Variants in PRKG1 observed in about 807,000 individuals in gnomAD.
PRKG1 encodes protein kinase cGMP-dependent 1.
PRKG1 carries 35 observed loss-of-function variants against 88.1 expected under a neutral mutation model. That is an observed-to-expected ratio of 0.40 (90% CI 0.30 to 0.53). The LOEUF (loss-of-function observed/expected upper bound fraction) is 0.53. Among genes scored for constraint, PRKG1 ranks in the 20% least tolerant of loss-of-function variants. The pLI is 0.59. For missense variants in PRKG1, 540 were observed against 839.8 expected (o/e 0.64, Z 4.41); for synonymous variants, 303 against 292.5 (o/e 1.04, Z -0.37).
At chr10:51,858,896 C>T (rs1840791045) in intron 4 of PRKG1, among the ~76,000 whole-genome samples, 1 of 152,056 alleles carries the variant, frequency 6.6e-6, no homozygotes, top group African/African-American at 2.4e-5. Flanking sequence ...AATAGGCAAA[C>T]AGTTTTTCTC....
chr10:51,806,416 T>C (rs1839309829), intron 4 of PRKG1, among the ~76,000 whole-genome samples: 1 of 152,194 alleles, frequency 6.6e-6, no homozygotes, highest in African/African-American at 2.4e-5. Context: ...GTGTGTGTTT[T>C]CAAATTCAAA....
At chr10:51,913,903 T>C (rs1347928905) in intron 5 of PRKG1, among the ~76,000 whole-genome samples, 1 of 152,188 alleles carries the variant, frequency 6.6e-6, no homozygotes, top group Non-Finnish European at 1.5e-5. Context: ...TGCATTAATC[T>C]CTATACTATC....
At chr10:52,141,542 GT>G (rs1311129455) in intron 8 of PRKG1, among the ~76,000 whole-genome samples, 8 of 152,030 alleles carry the variant, frequency 5.3e-5, no homozygotes, top group Non-Finnish European at 7.4e-5. Context: ...GTATTTGGGG[GT>G]TTAAAGGCAA....
chr10:51,365,497 T>A (rs1842570216), intron 2 of PRKG1, among the ~76,000 whole-genome samples: 1 of 151,984 alleles, frequency 6.6e-6, no homozygotes, highest in South Asian at 2.1e-4. Context: ...CATCTGTCTC[T>A]ACAGTGGAGC....
chr10:51,378,033 A>G (rs1000074160), intron 2 of PRKG1, among the ~76,000 whole-genome samples: 2 of 152,204 alleles, frequency 1.3e-5, no homozygotes, highest in African/African-American at 4.8e-5. Flanking sequence ...GGCACAGTAC[A>G]TTTCTTACCA....
intron 7 of PRKG1, among the ~76,000 whole-genome samples, chr10:52,127,262 G>A (rs549756437): frequency 7.9e-5 from 12 of 152,260 alleles, no homozygotes; most frequent in African/African-American, 2.9e-4. Context: ...ACCATGATAG[G>A]GAACCCAAGG....
At chr10:51,977,361 C>T (rs1209235220) in intron 5 of PRKG1, among the ~76,000 whole-genome samples, 3 of 151,956 alleles carry the variant, frequency 2.0e-5, no homozygotes, top group Non-Finnish European at 4.4e-5. Flanking sequence ...TTCTTTTATC[C>T]AGTCTACCAT....
At chr10:51,640,698 C>T (rs1839777505) in intron 3 of PRKG1, among the ~76,000 whole-genome samples, 1 of 152,106 alleles carries the variant, frequency 6.6e-6, no homozygotes, top group African/African-American at 2.4e-5. Context: ...TTTTAAGTTA[C>T]TGAGTCCTTC....
chr10:52,244,607 G>C (rs1840956193), intron 9 of PRKG1, among the ~76,000 whole-genome samples: 1 of 149,676 alleles, frequency 6.7e-6, no homozygotes, highest in Non-Finnish European at 1.5e-5. Flanking sequence ...TCTTTTATTG[G>C]TTCAGTTTTC....
At chr10:51,322,080 A>G (rs1841472479) in intron 2 of PRKG1, among the ~76,000 whole-genome samples, 1 of 152,110 alleles carries the variant, frequency 6.6e-6, no homozygotes, top group Non-Finnish European at 1.5e-5. Flanking sequence ...ATGTGAAGCC[A>G]CCATATTCGA....
rs115593876 is a variant in PRKG1, at chr10:51,429,009, G to A, written c.479-38714G>A. 6.7e-3 allele frequency among the ~76,000 whole-genome samples: 1,026 copies of A among 152,276 alleles called. 14 individuals carry two copies. The highest frequency in any genetic ancestry group is 0.024 in the African/African-American group (990 of 41,546). ...ACTCACAGTCAGAAGAGACTACAGAGCTATCTATACATCCCTTGCTGGACA... is the reference window on the plus strand; with the variant it reads ...ACTCACAGTCAGAAGAGACTACAGAACTATCTATACATCCCTTGCTGGACA... On this transcript the variant is annotated intron_variant, in intron 2 of 17. Transcript: ENST00000373980.
chr10:51,730,878 G>A (rs540538185), intron 3 of PRKG1, among the ~76,000 whole-genome samples: 12 of 152,280 alleles, frequency 7.9e-5, no homozygotes, highest in South Asian at 4.1e-4. Flanking sequence ...CCTTCTGGCC[G>A]GGCGCAGTGG....
intron 14 of PRKG1, among the ~76,000 whole-genome samples, chr10:52,284,796 A>G (rs1160213479): frequency 6.6e-6 from 1 of 152,094 alleles, no homozygotes; most frequent in Admixed American, 6.6e-5. Context: ...ATTCATACAA[A>G]TGTACCAATT....
At chr10:51,016,867 C>T (rs1272934535) in intron 1 of PRKG1, among the ~76,000 whole-genome samples, 2 of 150,932 alleles carry the variant, frequency 1.3e-5, no homozygotes, top group African/African-American at 2.4e-5. Flanking sequence ...TGAGATTTTA[C>T]CATGTTGGCC....
intron 2 of PRKG1, among the ~76,000 whole-genome samples, chr10:51,196,654 A>C (rs1353180061): frequency 6.6e-6 from 1 of 152,198 alleles, no homozygotes; most frequent in Non-Finnish European, 1.5e-5. Flanking sequence ...GTGAACTGTG[A>C]AGTAATAGAA....
chr10:52,051,868 A>T (rs1845995007), intron 5 of PRKG1, among the ~76,000 whole-genome samples: 1 of 152,144 alleles, frequency 6.6e-6, no homozygotes, highest in Non-Finnish European at 1.5e-5. Flanking sequence ...CAGATGAGTC[A>T]TGCCACCTCT....
At chr10:51,890,444 A>G (rs7902467) in intron 4 of PRKG1, among the ~76,000 whole-genome samples, 74,925 of 152,036 alleles carry the variant, frequency 0.49, 18,737 homozygotes, top group Middle Eastern at 0.53. Flanking sequence ...AATCTCTTAC[A>G]AGATATTCAT....
intron 5 of PRKG1, among the ~76,000 whole-genome samples, chr10:51,915,201 G>A (rs150061804): frequency 1.9e-3 from 282 of 152,262 alleles, no homozygotes; most frequent in African/African-American, 6.4e-3. Context: ...TGCCTTAGGC[G>A]GAGTTATTGG....
chr10:51,793,827 T>G (rs1047166569), intron 3 of PRKG1, among the ~76,000 whole-genome samples: 3 of 152,132 alleles, frequency 2.0e-5, no homozygotes, highest in African/African-American at 7.2e-5. Flanking sequence ...AGTGGCATGA[T>G]CTCAGCTCAC....
Sources: gnomAD v4.1 joint callset for allele counts (sites outside exome capture counted in the v4.1 genomes callset) on GRCh38, gnomAD v4.1.1 for gene constraint, MANE v1.5 for transcripts, NCBI Gene and HGNC (gene_info 2026-07-23, HGNC 2026-07-21) for gene names.